Variants in GRK7 observed in about 807,000 individuals in gnomAD.
The protein encoded by GRK7 is rhodopsin kinase GRK7.
GRK7 carries 24 observed loss-of-function variants against 34.1 expected under a neutral mutation model. The ratio of observed to expected loss-of-function variants is 0.70; its 90% confidence interval spans 0.51 to 0.99. GRK7 has a LOEUF of 0.99. GRK7 is among the 50% of genes least tolerant of loss of function. The probability of loss-of-function intolerance (pLI) is 0.00; values close to 1 mark genes in which losing one functional copy is unlikely to be tolerated. For synonymous variants in GRK7, 256 were observed against 279.4 expected (o/e 0.92, Z 0.84); for missense variants, 644 against 707.3 (o/e 0.91, Z 1.02).
chr3:141,753,296 T>C, the GRK7 span, among the ~76,000 whole-genome samples: 3 of 152,260 alleles, frequency 2.0e-5, no homozygotes, highest in Non-Finnish European at 4.4e-5. Context: ...TAGAGCTGTA[T>C]ATTCTGTTTT....
the GRK7 span, among the ~76,000 whole-genome samples, chr3:141,757,233 T>C: frequency 1.1e-3 from 171 of 151,474 alleles, 1 homozygote; most frequent in African/African-American, 3.9e-3. Flanking sequence ...TGTGCCATGC[T>C]GGTGCGCTGC....
At chr3:141,787,475 T>A (rs113484326) in intron 4 of GRK7, among the ~76,000 whole-genome samples, 2,376 of 151,882 alleles carry the variant, frequency 0.016, 71 homozygotes, top group African/African-American at 0.055. Flanking sequence ...AATACAAAAA[T>A]TAGCCAGATA....
Position 141,818,942 on chromosome 3 carries a change from G to C in GRK7, c.*1892G>C, listed in dbSNP as rs773018001. On this transcript the variant is annotated 3_prime_UTR_variant, in exon 6 of 6. Transcript: ENST00000682958. ...CGGTGCACCTGCGGCTCACTTTCCC[G>C]CTCCTCCTCCATCCTCAGCATGCTC... Among the ~76,000 whole-genome samples, 6 of 152,162 alleles carry C rather than the reference G, an allele frequency of 3.9e-5. No individual in the cohort carries two copies. Among genetic ancestry groups the C allele is most frequent in the Non-Finnish European group, 7.4e-5 (5 of 68,016 alleles).
At chr3:141,788,041 AAAAC>A (rs2084705068) in intron 4 of GRK7, among the ~76,000 whole-genome samples, 1 of 152,128 alleles carries the variant, frequency 6.6e-6, no homozygotes, top group Non-Finnish European at 1.5e-5. Context: ...AACGAGAACA[AAAAC>A]AAATAATACC....
rs77451658 is a variant in GRK7, at chr3:141,802,487, G to A, written c.1051-5158G>A. On this transcript the variant is annotated intron_variant, in intron 4 of 5. Transcript: ENST00000682958. The stretch of plus-strand genomic sequence containing the variant: ...CATGATAGCCATGATAGCCAGCACC[G>A]TGGATGAAAAAAGCCCCACATCAAA... Among the ~76,000 whole-genome samples the A allele has an allele frequency of 4.6e-3, 700 of 152,154 alleles. 6 individuals are homozygous for A. Among genetic ancestry groups the A allele is most frequent in the African/African-American group, 0.014 (594 of 41,504 alleles).
intron 1 of GRK7, among the ~76,000 whole-genome samples, chr3:141,771,027 G>A (rs1358089817): frequency 6.8e-6 from 1 of 146,622 alleles, no homozygotes; most frequent in Non-Finnish European, 1.5e-5. Flanking sequence ...GTCAAAACCA[G>A]TATGGAGAAC....
At chr3:141,806,388 C>A (rs1030972891) in intron 4 of GRK7, among the ~76,000 whole-genome samples, 7 of 151,962 alleles carry the variant, frequency 4.6e-5, no homozygotes, top group African/African-American at 1.7e-4. Context: ...CATGGTGAAA[C>A]CCCATCTCCA....
At chr3:141,788,193 A>ACTCGC in intron 4 of GRK7, among the ~76,000 whole-genome samples, 1 of 152,274 alleles carries the variant, frequency 6.6e-6, no homozygotes, top group Middle Eastern at 3.4e-3. Flanking sequence ...CCACTGAAGG[A>ACTCGC]CACTGGGTAA....
At chr3:141,800,119 A>G (rs1577922850) in intron 4 of GRK7, among the ~76,000 whole-genome samples, 1 of 152,170 alleles carries the variant, frequency 6.6e-6, no homozygotes, top group Non-Finnish European at 1.5e-5. Context: ...AAAGAACCAG[A>G]CAGAAGCAGG....
Position 141,778,416 on chromosome 3 carries a change from C to T in GRK7, c.132C>T (p.Gly44=), listed in dbSNP as rs770457746. 3.7e-6 allele frequency: 6 copies of T among 1,612,742 alleles called. No homozygotes were observed. In the Admixed American group the frequency reaches 6.7e-5, roughly 18 times the overall value. The part of the protein sequence containing the change: ...RRSLALPGLQ[G]CAELRQKLSL... ...GCCTGGCCCTGCCCGGGCTGCAGGG[C>T]TGCGCGGAGCTCCGCCAGAAGCTGT... The change falls in exon 3 of 6, where the codon GGC becomes GGT. Residue 44 remains glycine, a synonymous_variant. Transcript: ENST00000682958. The surrounding 1 kb of genome is among the most constrained non-coding windows in gnomAD (Gnocchi z 4.1).
chr3:141,764,365 C>G lies in GRK7; in HGVS notation c.-1588C>G, dbSNP rs1201984069. ...AACTGACTCTCATAAGGTTTTCATC[C>G]CACTACTTCATAGAAACTGCTCTTG... is the stretch of plus-strand genomic sequence containing the variant. On this transcript the variant is annotated 5_prime_UTR_variant, in exon 1 of 6. Coordinates refer to ENST00000682958, the MANE Select transcript of GRK7 (RefSeq NM_139209.3). Among the ~76,000 whole-genome samples the G allele has an allele frequency of 2.0e-5, 3 of 152,156 alleles. No individual in the cohort carries two copies. The highest frequency in any genetic ancestry group is 7.2e-5 in the African/African-American group (3 of 41,424).
chr3:141,767,419 A>G (rs2084594452), intron 1 of GRK7, among the ~76,000 whole-genome samples: 1 of 150,526 alleles, frequency 6.6e-6, no homozygotes, highest in Admixed American at 6.6e-5. Flanking sequence ...TTTTTTTGAG[A>G]CAGGGTCTCC....
intron 4 of GRK7, among the ~76,000 whole-genome samples, chr3:141,788,480 A>G (rs1267827705): frequency 2.0e-5 from 3 of 152,090 alleles, no homozygotes; most frequent in African/African-American, 7.2e-5. Flanking sequence ...AGACCTTTAC[A>G]TGCTTCTCTT....
At chr3:141,793,218 C>T (rs79487968) in intron 4 of GRK7, among the ~76,000 whole-genome samples, 2,560 of 152,288 alleles carry the variant, frequency 0.017, 39 homozygotes, top group South Asian at 0.047. Flanking sequence ...TTGTGGGGAC[C>T]TCAATTTACA....
At chr3:141,816,616 A>T in intron 5 of GRK7, 98 bp from the exon 6 acceptor site, 1 of 624,436 alleles carries the variant, frequency 1.6e-6, no homozygotes, top group Non-Finnish European at 2.7e-6. Flanking sequence ...ATTAAAATAA[A>T]ATGTAAGAAA....
chr3:141,779,032 T>A (rs558255029), intron 3 of GRK7, 136 bp downstream of exon 3: 1 of 849,872 alleles, frequency 1.2e-6, no homozygotes, highest in Admixed American at 3.0e-5. Context: ...TAGCCCCGTC[T>A]CCCCAGCCCC....
chr3:141,773,469 T>G (rs1411649817), intron 1 of GRK7, among the ~76,000 whole-genome samples: 1 of 152,166 alleles, frequency 6.6e-6, no homozygotes, highest in East Asian at 1.9e-4. Context: ...TTGGACTAAA[T>G]TTTGATGATT....
At chr3:141,812,758 A>G (rs180901929) in intron 5 of GRK7, among the ~76,000 whole-genome samples, 2 of 152,280 alleles carry the variant, frequency 1.3e-5, no homozygotes, top group Non-Finnish European at 2.9e-5. Flanking sequence ...GTTCATCCTG[A>G]TGTAAAGACT....
At chr3:141,805,808 T>G (rs1711030377) in intron 4 of GRK7, among the ~76,000 whole-genome samples, 1 of 152,234 alleles carries the variant, frequency 6.6e-6, no homozygotes, top group African/African-American at 2.4e-5. Context: ...TTCTAATGTT[T>G]TCTTCATAGA....
Sources: allele counts gnomAD v4.1 joint callset (sites outside exome capture counted in the v4.1 genomes callset), GRCh38; gene constraint gnomAD v4.1.1; non-coding constraint Gnocchi (gnomAD v3.1); transcripts MANE v1.5; gene names NCBI Gene and HGNC (gene_info 2026-07-23, HGNC 2026-07-21).